Variants in AKAP19 observed in about 807,000 individuals in gnomAD.
The protein encoded by AKAP19 is small A-kinase anchoring protein.
the AKAP19 span, among the ~76,000 whole-genome samples, chr2:189,931,318 T>G: frequency 6.6e-6 from 1 of 152,244 alleles, no homozygotes; most frequent in South Asian, 2.1e-4. Flanking sequence ...ATATAATAAT[T>G]GTACTGTGTA....
the AKAP19 span, among the ~76,000 whole-genome samples, chr2:189,977,718 G>C: frequency 6.6e-6 from 1 of 152,074 alleles, no homozygotes; most frequent in Non-Finnish European, 1.5e-5. Flanking sequence ...AAGAGGTCTT[G>C]GACTGAATCT....
the AKAP19 span, among the ~76,000 whole-genome samples, chr2:189,975,516 G>C: frequency 6.6e-6 from 1 of 152,116 alleles, no homozygotes; most frequent in South Asian, 2.1e-4. Flanking sequence ...TCCTGAATTT[G>C]AATGTTGGCC....
At chr2:190,096,558 T>C in the AKAP19 span, among the ~76,000 whole-genome samples, 2 of 152,284 alleles carry the variant, frequency 1.3e-5, no homozygotes, top group African/African-American at 4.8e-5. Flanking sequence ...CTGGAGAGCA[T>C]GGTGCTGGGC....
At chr2:189,964,664 T>C in the AKAP19 span, among the ~76,000 whole-genome samples, 2 of 152,224 alleles carry the variant, frequency 1.3e-5, no homozygotes, top group African/African-American at 4.8e-5. Context: ...TACTTTTATG[T>C]TATGGATATG....
At chr2:190,077,861 G>C in the AKAP19 span, among the ~76,000 whole-genome samples, 1 of 152,156 alleles carries the variant, frequency 6.6e-6, no homozygotes, top group South Asian at 2.1e-4. Context: ...TCTGGGACTA[G>C]TTTAGTCTGA....
the AKAP19 span, among the ~76,000 whole-genome samples, chr2:189,936,053 T>C: frequency 6.6e-6 from 1 of 152,120 alleles, no homozygotes; most frequent in Admixed American, 6.5e-5. Context: ...TTTAATATTG[T>C]AAGATTATAA....
At chr2:190,201,219 C>A in the AKAP19 span, 1 of 167,054 alleles carries the variant, frequency 6.0e-6, no homozygotes, top group South Asian at 2.1e-4. Flanking sequence ...GCCTGGCTAC[C>A]TTTTAGGGAA....
chr2:190,199,495 T>C, the AKAP19 span, among the ~76,000 whole-genome samples: 1 of 152,310 alleles, frequency 6.6e-6, no homozygotes, highest in Non-Finnish European at 1.5e-5. Context: ...TGCAAGATCT[T>C]GAAAAAAAGT....
the AKAP19 span, among the ~76,000 whole-genome samples, chr2:190,191,789 C>G: frequency 6.6e-6 from 1 of 152,162 alleles, no homozygotes; most frequent in Non-Finnish European, 1.5e-5. Context: ...CTAAATCTTT[C>G]AAATCTCGTT....
the AKAP19 span, among the ~76,000 whole-genome samples, chr2:189,911,599 G>A: frequency 6.6e-6 from 1 of 151,972 alleles, no homozygotes; most frequent in Non-Finnish European, 1.5e-5. Context: ...AGTTTACTCT[G>A]GAAATTTGAC....
the AKAP19 span, among the ~76,000 whole-genome samples, chr2:190,124,224 G>A: frequency 6.6e-6 from 1 of 152,280 alleles, no homozygotes; most frequent in East Asian, 1.9e-4. Context: ...CTATGCAGTC[G>A]TGTCATCCAA....
chr2:190,137,292 AT>A, the AKAP19 span, among the ~76,000 whole-genome samples: 1 of 152,224 alleles, frequency 6.6e-6, no homozygotes, highest in South Asian at 2.1e-4. Flanking sequence ...TGTGTCCTTT[AT>A]ATAGTTCAAA....
At chr2:190,031,603 A>G in the AKAP19 span, among the ~76,000 whole-genome samples, 12 of 152,320 alleles carry the variant, frequency 7.9e-5, no homozygotes, top group African/African-American at 2.6e-4. Flanking sequence ...CTGGAAATTA[A>G]TAAACACTAG....
chr2:189,890,124 G>C, the AKAP19 span, among the ~76,000 whole-genome samples: 1 of 152,118 alleles, frequency 6.6e-6, no homozygotes, highest in Non-Finnish European at 1.5e-5. Flanking sequence ...GGTACTTTGT[G>C]TCTTTGTTCT....
chr2:190,142,319 A>G, the AKAP19 span, among the ~76,000 whole-genome samples: 1 of 152,212 alleles, frequency 6.6e-6, no homozygotes, highest in East Asian at 1.9e-4. Context: ...TAAAGGTATA[A>G]TATCATTTAT....
At chr2:190,096,967 T>A in the AKAP19 span, among the ~76,000 whole-genome samples, 6 of 152,206 alleles carry the variant, frequency 3.9e-5, no homozygotes, top group South Asian at 2.1e-4. Flanking sequence ...CACCTCTTGA[T>A]ACTGTTACAC....
At chr2:190,100,735 C>A in the AKAP19 span, among the ~76,000 whole-genome samples, 6 of 152,104 alleles carry the variant, frequency 3.9e-5, no homozygotes, top group Non-Finnish European at 8.8e-5. Context: ...CATGTCTCAG[C>A]CACTTGGAAA....
the AKAP19 span, among the ~76,000 whole-genome samples, chr2:190,168,396 G>A: frequency 1.3e-5 from 2 of 152,124 alleles, no homozygotes; most frequent in East Asian, 3.8e-4. Flanking sequence ...ACATGCCCTG[G>A]AGACATTCCA....
At chr2:189,882,278 C>A in the AKAP19 span, among the ~76,000 whole-genome samples, 1 of 152,134 alleles carries the variant, frequency 6.6e-6, no homozygotes, top group Non-Finnish European at 1.5e-5. Flanking sequence ...CCAGTAATAA[C>A]TAGTATGAAC....
Sources: allele counts gnomAD v4.1 joint callset (sites outside exome capture counted in the v4.1 genomes callset), GRCh38; gene constraint gnomAD v4.1.1; transcripts MANE v1.5; gene names NCBI Gene and HGNC (gene_info 2026-07-23, HGNC 2026-07-21).